BCAT2: variants seen among roughly 807,000 people sequenced by gnomAD.
The protein encoded by BCAT2 is branched chain amino acid transaminase 2.
A neutral mutation model predicts 52.9 loss-of-function variants in BCAT2; 44 were observed. The observed-to-expected ratio is 0.83, with a 90% CI of 0.65 to 1.07. The LOEUF (loss-of-function observed/expected upper bound fraction) is 1.07, where lower values mean the gene tolerates loss of function less well. BCAT2 is among the 50% of genes least tolerant of loss of function. The pLI is 0.00. For synonymous variants in BCAT2, 215 were observed against 217.1 expected (o/e 0.99, Z 0.08); for missense variants, 478 against 521.8 (o/e 0.92, Z 0.82).
At chr19:48,808,724 C>A (rs2034850835) in intron 1 of BCAT2, among the ~76,000 whole-genome samples, 1 of 151,882 alleles carries the variant, frequency 6.6e-6, no homozygotes, top group African/African-American at 2.4e-5. Context: ...CACTGCACTC[C>A]AGCCTGGGCG....
chr19:48,799,544 T>G lies in BCAT2; in HGVS notation c.695+131A>C. 8.5e-7 allele frequency: 1 copy of G among 1,177,740 alleles called. No individual in the cohort carries two copies. Among genetic ancestry groups the G allele is most frequent in the Non-Finnish European group, 1.1e-6 (1 of 877,040 alleles). 73.0% of individuals were successfully genotyped at this position (1,177,740 alleles called of 1,614,324 possible). ...AGGGACCAGGGAGGTCACTTAGCAC[T>G]GAGCCCTGCACGGTGCTGATGATGT... On this transcript the variant is annotated intron_variant, in intron 6 of 10. Coordinates refer to ENST00000316273, the MANE Select transcript of BCAT2 (RefSeq NM_001190.4). The surrounding 1 kb of genome is among the most constrained non-coding windows in gnomAD (Gnocchi z 5.5).
At chr19:48,810,963 G>A in intron 1 of BCAT2, 21 bp downstream of exon 1, 1 of 1,607,120 alleles carries the variant, frequency 6.2e-7, no homozygotes, top group Non-Finnish European at 8.5e-7. Flanking sequence ...CCCAGACCCC[G>A]GCGCGGGGCT....
At chr19:48,798,301 C>T (rs1161440417) in intron 6 of BCAT2, among the ~76,000 whole-genome samples, 2 of 152,174 alleles carry the variant, frequency 1.3e-5, no homozygotes, top group African/African-American at 4.8e-5. Context: ...AACTGGGCTA[C>T]CTGGATGACT....
Position 48,807,712 on chromosome 19 carries a change from G to A in BCAT2, c.25-638C>T. On this transcript the variant is annotated intron_variant, in intron 1 of 10. Coordinates refer to ENST00000316273, the MANE Select transcript of BCAT2 (RefSeq NM_001190.4). This position sits in a 1 kb window ranked among gnomAD's most constrained non-coding sequence, Gnocchi z 4.6. ...TCCTCCGCCAGACCCAGGAGTACAG[G>A]TGCTTATTCTCTGAAGGTATTCGAT... The A allele has an allele frequency of 1.0e-6, 1 of 986,866 alleles. No homozygotes were observed. The highest frequency in any genetic ancestry group is 1.2e-6 in the Non-Finnish European group (1 of 830,218). The allele number at this position is 986,866 out of a possible 1,614,324, so 61.1% of individuals were successfully genotyped here.
At chr19:48,801,687 G>A (rs1442689744) in intron 3 of BCAT2, among the ~76,000 whole-genome samples, 1 of 151,994 alleles carries the variant, frequency 6.6e-6, no homozygotes, top group Non-Finnish European at 1.5e-5. Flanking sequence ...CTGTTGCCCA[G>A]GCTGAAGTGC....
At chr19:48,806,406 G>A (rs1381696436) in intron 3 of BCAT2, 111 bp downstream of exon 3, 3 of 1,380,498 alleles carry the variant, frequency 2.2e-6, no homozygotes, top group Non-Finnish European at 3.0e-6. Context: ...TGAATGCACA[G>A]AAAGGAGAAA....
At chr19:48,810,029 C>T (rs534598171) in intron 1 of BCAT2, among the ~76,000 whole-genome samples, 2 of 152,242 alleles carry the variant, frequency 1.3e-5, no homozygotes, top group East Asian at 1.9e-4. Flanking sequence ...CATGATGAGA[C>T]GGTCCACATC....
Position 48,795,299 on chromosome 19 carries a change from A to G in BCAT2, c.*127T>C, listed in dbSNP as rs2034475907. The stretch of plus-strand genomic sequence containing the variant: ...AGTGTCGCAACCACATGGGGGCGCC[A>G]GAGACCCAGACGCCGCCCGCTGGCC... On this transcript the variant is annotated 3_prime_UTR_variant, in exon 11 of 11. Transcript: ENST00000316273. 7.0e-6 allele frequency: 9 copies of G among 1,281,018 alleles called. No individual in the cohort carries two copies. The highest frequency in any genetic ancestry group is 9.9e-6 in the Non-Finnish European group (9 of 909,446). 79.4% of individuals were successfully genotyped at this position (1,281,018 alleles called of 1,614,324 possible). A position where few individuals can be genotyped will look rare whatever the true frequency, so the allele number is the denominator to read the frequency against.
rs912156330 is a variant in BCAT2, at chr19:48,807,646, C to T, written c.25-572G>A. The T allele has an allele frequency of 1.1e-6, 1 of 886,800 alleles. No homozygotes were observed. The allele number at this position is 886,800 out of a possible 1,614,324, so 54.9% of individuals were successfully genotyped here. ...CTTACATCCAGGAGTACAGGCCCCA[C>T]CCCTCCTCCCTCAGACCCAGGAGTC... On this transcript the variant is annotated intron_variant, in intron 1 of 10. Coordinates refer to ENST00000316273, the MANE Select transcript of BCAT2 (RefSeq NM_001190.4). This position sits in a 1 kb window ranked among gnomAD's most constrained non-coding sequence, Gnocchi z 4.6.
chr19:48,799,664 G>A lies in BCAT2; in HGVS notation c.695+11C>T. On this transcript the variant is annotated intron_variant, in intron 6 of 10. Transcript: ENST00000316273. The surrounding 1 kb of genome is among the most constrained non-coding windows in gnomAD (Gnocchi z 5.5). Reference sequence around the variant, plus strand: ...TGCGCCAGTCGTTCTGGGGATGGGGGTGCTACTTACCCACCTAACTTGTAG... The same window carrying A: ...TGCGCCAGTCGTTCTGGGGATGGGGATGCTACTTACCCACCTAACTTGTAG... 3 of 1,562,220 alleles carry A rather than the reference G, an allele frequency of 1.9e-6. No individual in the cohort carries two copies. Among genetic ancestry groups the A allele is most frequent in the South Asian group, 1.2e-5 (1 of 84,242 alleles).
At chr19:48,803,533 A>G (rs754254587) in intron 3 of BCAT2, among the ~76,000 whole-genome samples, 3 of 152,020 alleles carry the variant, frequency 2.0e-5, no homozygotes, top group Non-Finnish European at 2.9e-5. Context: ...TTCTCAAAAA[A>G]AGAGTCATAA....
chr19:48,806,874 A>G, intron 2 of BCAT2, 126 bp downstream of exon 2: 1 of 1,396,966 alleles, frequency 7.2e-7, no homozygotes, highest in Non-Finnish European at 1.0e-6. Context: ...TCTGCGGCCC[A>G]ATGGCAGGCT....
At chr19:48,797,677 T>C (rs529561465) in intron 6 of BCAT2, 32 of 282,740 alleles carry the variant, frequency 1.1e-4, no homozygotes, top group African/African-American at 6.9e-4. Context: ...CAGCCTCTCT[T>C]GACCTGGTGA....
At chr19:48,795,539 C>A in intron 10 of BCAT2, 75 bp from the exon 11 acceptor site, 1 of 1,554,508 alleles carries the variant, frequency 6.4e-7, no homozygotes, top group Non-Finnish European at 8.8e-7. Context: ...GTGTTCCAGG[C>A]CGAGTGCCTA....
At chr19:48,801,179 C>T (rs1462631648) in intron 3 of BCAT2, among the ~76,000 whole-genome samples, 3 of 151,714 alleles carry the variant, frequency 2.0e-5, no homozygotes, top group Non-Finnish European at 4.4e-5. Context: ...GTTGATCCAC[C>T]CGCCTCAGCC....
chr19:48,795,871 T>G lies in BCAT2; in HGVS notation c.1141-407A>C, dbSNP rs2034497671. On this transcript the variant is annotated intron_variant, in intron 10 of 10. Coordinates refer to ENST00000316273, the MANE Select transcript of BCAT2 (RefSeq NM_001190.4). ...AGAAGATGGGAATACCCCCAGAGATTTATGGGATTAAACAGTCTGGTGCCA... is the reference window on the plus strand; with the variant it reads ...AGAAGATGGGAATACCCCCAGAGATGTATGGGATTAAACAGTCTGGTGCCA... 3 of 289,670 alleles carry G rather than the reference T, an allele frequency of 1.0e-5. No individual in the cohort carries two copies. In the Admixed American group the frequency reaches 1.4e-4, roughly 14 times the overall value. 17.9% of individuals were successfully genotyped at this position (289,670 alleles called of 1,614,324 possible).
In BCAT2 at chr19:48,799,984, G is replaced by A. The variant is rs986571893; in HGVS notation, c.528C>T (p.Asn176=). The change falls in exon 5 of 11, where the codon AAC becomes AAT. Residue 176 remains asparagine, a synonymous_variant. Coordinates refer to ENST00000316273, the MANE Select transcript of BCAT2 (RefSeq NM_001190.4). This position sits in a 1 kb window ranked among gnomAD's most constrained non-coding sequence, Gnocchi z 5.5. The stretch of plus-strand genomic sequence containing the variant: ...CCAGCCCTGGAGTTGGGCCCACCTC[G>A]TTCCCAATGAGCACAGGCCGCACAT... The part of the protein sequence containing the change: ...SLYVRPVLIG[N]EPSLGVSQPT... The A allele has an allele frequency of 5.6e-6, 9 of 1,613,200 alleles. No homozygotes were observed. The highest frequency in any genetic ancestry group is 2.2e-5 in the East Asian group (1 of 44,852).
chr19:48,806,872 C>A, intron 2 of BCAT2, 128 bp downstream of exon 2: 1 of 1,394,270 alleles, frequency 7.2e-7, no homozygotes, highest in Non-Finnish European at 1.0e-6. Context: ...TGTCTGCGGC[C>A]CAATGGCAGG....
intron 10 of BCAT2, 144 bp from the exon 11 acceptor site, chr19:48,795,608 AATGATGGGAACGGGGAATC>A: frequency 1.1e-6 from 1 of 897,642 alleles, no homozygotes; most frequent in Non-Finnish European, 1.7e-6. Flanking sequence ...GGGCCCCAAC[AATGATGGGAACGGGGAATC>A]AAGGCTAAGG....
Sources: gnomAD v4.1 joint callset for allele counts (sites outside exome capture counted in the v4.1 genomes callset) on GRCh38, gnomAD v4.1.1 for gene constraint, Gnocchi (gnomAD v3.1) non-coding constraint, MANE v1.5 for transcripts, NCBI Gene and HGNC (gene_info 2026-07-23, HGNC 2026-07-21) for gene names.